The following FGF13 variants were observed in gnomAD, a reference collection of about 807,000 sequenced individuals.
FGF13 encodes fibroblast growth factor 13.
Under a neutral mutation model 19.5 loss-of-function variants are expected in FGF13, and 2 were observed. The ratio of observed to expected loss-of-function variants is 0.10; its 90% CI spans 0.04 to 0.32. The LOEUF (loss-of-function observed/expected upper bound fraction) is 0.32. FGF13 is among the 10% of genes least tolerant of loss of function. The probability of loss-of-function intolerance (pLI) is 1.00; values close to 1 mark genes in which losing one functional copy is unlikely to be tolerated. For synonymous variants in FGF13, 72 were observed against 76.9 expected (o/e 0.94, Z 0.33); for missense variants, 113 against 192.7 (o/e 0.59, Z 2.45).
At chrX:138,812,436 T>C (rs753809718) in intron 3 of FGF13, among the ~76,000 whole-genome samples, 2 of 111,245 alleles carry the variant, frequency 1.8e-5, no homozygotes, top group South Asian at 7.6e-4. Flanking sequence ...TAGTCTTTGG[T>C]TTTTGGTTCA....
At chrX:139,106,476 C>T (rs1277362598) in intron 1 of FGF13, among the ~76,000 whole-genome samples, 1 of 112,147 alleles carries the variant, frequency 8.9e-6, no homozygotes, top group Non-Finnish European at 1.9e-5. Flanking sequence ...CAATTTCCTG[C>T]TGACTATGGT....
At chrX:139,143,270 T>C (rs938657766) in intron 1 of FGF13, among the ~76,000 whole-genome samples, 1 of 111,855 alleles carries the variant, frequency 8.9e-6, no homozygotes, top group Non-Finnish European at 1.9e-5. Context: ...GATTCCATAT[T>C]ACTCATGCCT....
chrX:139,007,163 C>T (rs374346563), intron 1 of FGF13, among the ~76,000 whole-genome samples: 12 of 111,364 alleles, frequency 1.1e-4, no homozygotes, highest in South Asian at 7.6e-4. Flanking sequence ...AGATATTCCA[C>T]GCCAATGGAA....
chrX:139,095,755 C>T (rs1181072212), intron 1 of FGF13, among the ~76,000 whole-genome samples: 4 of 111,944 alleles, frequency 3.6e-5, no homozygotes, highest in Non-Finnish European at 7.5e-5. Context: ...CCACTTTCTG[C>T]ATCTTTGTTC....
At chrX:139,164,463 G>A (rs1198204565) in intron 1 of FGF13, among the ~76,000 whole-genome samples, 28 of 110,931 alleles carry the variant, frequency 2.5e-4, no homozygotes, top group South Asian at 3.8e-4. Flanking sequence ...GAGCCCAGGC[G>A]GGTGGATCAC....
upstream of FGF13, chrX:139,204,229 G>A (rs954776079): frequency 1.2e-4 from 79 of 654,236 alleles, no homozygotes; most frequent in South Asian, 5.1e-5. Flanking sequence ...TGTGGTTCGG[G>A]GCGGAATCCG....
Position 138,708,940 on chromosome X carries a change from A to G in FGF13, c.188-12T>C, listed in dbSNP as rs2090017286. 3 of 1,044,202 alleles carry G rather than the reference A, an allele frequency of 2.9e-6. No individual in the cohort carries two copies. The highest frequency in any genetic ancestry group is 4.0e-6 in the Non-Finnish European group (3 of 753,497). 86.1% of individuals were successfully genotyped at this position (1,044,202 alleles called of 1,213,427 possible). A position where few individuals can be genotyped will look rare whatever the true frequency, so the allele number is the denominator to read the frequency against. ...CTTAAGCTGAGGCTCTGCAAAGAGA[A>G]CAATGATTTGGATCAATTGATAAAT... is the stretch of plus-strand genomic sequence containing the variant. On this transcript the variant is annotated splice_polypyrimidine_tract_variant and intron_variant, in intron 1 of 4. Transcript: ENST00000315930.
At chrX:138,850,106 T>A (rs2091212311) in intron 3 of FGF13, among the ~76,000 whole-genome samples, 1 of 111,352 alleles carries the variant, frequency 9.0e-6, no homozygotes, top group Non-Finnish European at 1.9e-5. Context: ...GGAGGTCAGT[T>A]GCTTTAAAAA....
chrX:138,637,028 C>A (rs753134235), intron 3 of FGF13, among the ~76,000 whole-genome samples: 3 of 111,718 alleles, frequency 2.7e-5, no homozygotes, highest in Non-Finnish European at 3.8e-5. Context: ...ACACAGTAAT[C>A]TGCCTAATCT....
intron 3 of FGF13, among the ~76,000 whole-genome samples, chrX:138,648,296 C>A (rs2089329099): frequency 9.0e-6 from 1 of 111,293 alleles, no homozygotes; most frequent in African/African-American, 3.3e-5. Flanking sequence ...CTATTTTTTA[C>A]ATTCCTCCTG....
intron 3 of FGF13, 101 bp downstream of exon 3, chrX:138,702,883 T>G (rs1470772630): frequency 3.7e-6 from 2 of 533,834 alleles, no homozygotes; most frequent in Non-Finnish European, 6.4e-6. Context: ...ATTCTTCTCC[T>G]CATCACAGAA....
intron 1 of FGF13, among the ~76,000 whole-genome samples, chrX:138,961,134 C>T (rs1230895780): frequency 9.0e-6 from 1 of 111,366 alleles, no homozygotes; most frequent in Non-Finnish European, 1.9e-5. Context: ...GGTTTCTCCC[C>T]ATCTCTGTGG....
intron 2 of FGF13, among the ~76,000 whole-genome samples, chrX:138,861,521 T>C (rs1199835771): frequency 8.9e-6 from 1 of 112,460 alleles, no homozygotes; most frequent in Admixed American, 9.4e-5. Context: ...ACAAACACTA[T>C]GATGAAATCC....
chrX:138,619,286 A>G lies in FGF13; in HGVS notation c.*13564T>C, dbSNP rs1037134958. 2 of 111,921 alleles carry G rather than the reference A, an allele frequency of 1.8e-5. No homozygotes were observed. The highest frequency in any genetic ancestry group is 3.8e-5 in the Non-Finnish European group (2 of 53,257). 9.2% of individuals were successfully genotyped at this position (111,921 alleles called of 1,213,427 possible). A position where few individuals can be genotyped will look rare whatever the true frequency, so the allele number is the denominator to read the frequency against. ...ACAAACAAACAAATTCTGAAGCTGA[A>G]GAATACAATGAATAAAATTAAAAAA... On this transcript the variant is annotated 3_prime_UTR_variant, in exon 5 of 5. Coordinates refer to ENST00000315930, the MANE Select transcript of FGF13 (RefSeq NM_004114.5).
chrX:138,922,514 T>G (rs1252554653), intron 1 of FGF13, among the ~76,000 whole-genome samples: 1 of 111,605 alleles, frequency 9.0e-6, no homozygotes, highest in African/African-American at 3.3e-5. Context: ...GATCTAAAAA[T>G]GTCCATCTTC....
At chrX:139,197,497 A>G (rs1264253022) in intron 1 of FGF13, among the ~76,000 whole-genome samples, 1 of 112,189 alleles carries the variant, frequency 8.9e-6, no homozygotes, top group Non-Finnish European at 1.9e-5. Flanking sequence ...AGGTCATTCA[A>G]CAACTACTCC....
intron 1 of FGF13, among the ~76,000 whole-genome samples, chrX:138,915,598 G>T (rs1281677538): frequency 8.9e-6 from 1 of 111,783 alleles, no homozygotes; most frequent in Admixed American, 9.5e-5. Context: ...ACAGGTATTT[G>T]TGTCTTATCA....
chrX:139,049,510 T>A (rs922096416), intron 1 of FGF13, among the ~76,000 whole-genome samples: 7 of 112,474 alleles, frequency 6.2e-5, no homozygotes, highest in African/African-American at 2.3e-4. Flanking sequence ...GAAATCTATT[T>A]GTTCAGGAAT....
Position 139,022,490 on chromosome X carries a change from A to C in FGF13, c.-112-157840T>G, listed in dbSNP as rs187703084. On this transcript the variant is annotated intron_variant, in intron 1 of 2. Transcript: ENST00000421460. Reference sequence around the variant, plus strand: ...TCCGTTGGCTTCCCTCTACTCCGTCAAGTCCCTTTTTTCTTTCTTTATATC... The same window carrying C: ...TCCGTTGGCTTCCCTCTACTCCGTCCAGTCCCTTTTTTCTTTCTTTATATC... 2.9e-3 allele frequency among the ~76,000 whole-genome samples: 330 copies of C among 111,897 alleles called. 2 individuals are homozygous for C. The highest frequency in any genetic ancestry group is 9.9e-3 in the African/African-American group (307 of 30,942).
Sources: gnomAD v4.1 joint callset for allele counts (sites outside exome capture counted in the v4.1 genomes callset) on GRCh38, gnomAD v4.1.1 for gene constraint, MANE v1.5 for transcripts, NCBI Gene and HGNC (gene_info 2026-07-23, HGNC 2026-07-21) for gene names.